Variants in ZDHHC16 observed in about 807,000 individuals in gnomAD.
ZDHHC16 encodes the protein zDHHC palmitoyltransferase 16.
A neutral mutation model predicts 54.4 loss-of-function variants in ZDHHC16; 33 were observed. The observed-to-expected ratio is 0.61, with a 90% CI of 0.46 to 0.81. The LOEUF (loss-of-function observed/expected upper bound fraction) is 0.81. ZDHHC16 is among the 30% of genes least tolerant of loss of function. The pLI is 0.00. For missense variants in ZDHHC16, 420 were observed against 485.9 expected (o/e 0.86, Z 1.28); for synonymous variants, 185 against 182.1 (o/e 1.02, Z -0.13).
In ZDHHC16 at chr10:97,455,341, C is replaced by G. The variant is rs544649895; in HGVS notation, c.825-319C>G. Among the ~76,000 whole-genome samples, 2 of 152,294 alleles carry G rather than the reference C, an allele frequency of 1.3e-5. 1 individual carries two copies. The highest frequency in any genetic ancestry group is 1.3e-4 in the Admixed American group (2 of 15,286). On this transcript the variant is annotated intron_variant, in intron 9 of 11. Transcript: ENST00000393760. ...ATACTCTCTTTTCCCTTAACAACAA[C>G]AGAGATGGAGTCTTGCTATGTTGCC...
intron 4 of ZDHHC16, 21 bp downstream of exon 4, chr10:97,452,305 TG>T (rs1215958145): frequency 1.2e-6 from 2 of 1,613,532 alleles, no homozygotes; most frequent in East Asian, 4.5e-5. Context: ...ACAGGAGCAC[TG>T]GGGGAAGTTG....
rs140332092 is a variant in ZDHHC16 at position 97,447,904 on chromosome 10, C to G, written c.-186+1551C>G. Among the ~76,000 whole-genome samples the G allele has an allele frequency of 2.4e-3, 347 of 145,512 alleles. 1 individual carries two copies. In the Middle Eastern group the frequency reaches 0.056, roughly 24 times the overall value. On this transcript the variant is annotated intron_variant, in intron 1 of 11. Coordinates refer to ENST00000393760, the MANE Select transcript of ZDHHC16 (RefSeq NM_198046.3). Reference sequence around the variant, plus strand: ...TGCCATTGCACTCCAGCCTGGGCAACAAGAGTGAAACTCCATCTCAAAAAA... The same window carrying G: ...TGCCATTGCACTCCAGCCTGGGCAAGAAGAGTGAAACTCCATCTCAAAAAA...
chr10:97,452,212 C>A lies in ZDHHC16; in HGVS notation c.366C>A (p.Ser122Arg), dbSNP rs1442053753. ...VPRLCWHFFY[S>R]HWNLILIVFH... ...GACTCTGCTGGCATTTCTTCTATAG[C>A]CACTGGAATCTGATCCTGATTGTCT... The change falls in exon 4 of 12, where the codon AGC becomes AGA. Residue 122 changes from serine to arginine, a missense_variant. Physicochemically the swap from Ser to Arg is moderately radical, Grantham distance 110. Coordinates refer to ENST00000393760, the MANE Select transcript of ZDHHC16 (RefSeq NM_198046.3). 1.9e-6 allele frequency: 3 copies of A among 1,614,108 alleles called. No homozygotes were observed. Among genetic ancestry groups the A allele is most frequent in the Non-Finnish European group, 2.5e-6 (3 of 1,180,024 alleles).
rs560046899 is a variant in ZDHHC16, at chr10:97,452,883, C to A, written c.528-12C>A. 1 of 1,614,192 alleles carries A rather than the reference C, an allele frequency of 6.2e-7. No individual in the cohort carries two copies. Among genetic ancestry groups the A allele is most frequent in the Admixed American group, 1.7e-5 (1 of 60,012 alleles). On this transcript the variant is annotated splice_polypyrimidine_tract_variant and intron_variant, in intron 5 of 11. Coordinates refer to ENST00000393760, the MANE Select transcript of ZDHHC16 (RefSeq NM_198046.3). ...TGGCCACCGTAACAGAGCCTGTGTC[C>A]CTTCCTCACAGGTGTGTGCTGAAGA... is the stretch of plus-strand genomic sequence containing the variant.
At chr10:97,451,953 T>C (rs1846669287) in intron 3 of ZDHHC16, 35 bp downstream of exon 3, 1 of 1,594,314 alleles carries the variant, frequency 6.3e-7, no homozygotes, top group African/African-American at 1.3e-5. Flanking sequence ...AAAGGGGTGT[T>C]GTGGGGAGCA....
rs926371117 is a variant in ZDHHC16, at chr10:97,455,748, A to T, written c.913A>T (p.Lys305Ter). The T allele has an allele frequency of 6.2e-7, 1 of 1,613,922 alleles. No individual in the cohort carries two copies. Among genetic ancestry groups the T allele is most frequent in the African/African-American group, 1.3e-5 (1 of 74,918 alleles). The change falls in exon 10 of 12, where the codon AAG becomes TAG. Residue 305 changes from lysine to a stop codon, truncating the protein, a stop_gained. Transcript: ENST00000393760. LOFTEE classifies it high-confidence loss of function. ...GETSIERHIN[K>*]KERRRLQAKG... ...GACTAGCATCGAAAGGCACATCAAC[A>T]AGAAGGAGAGACGTCGGCTACAGGC...
chr10:97,455,311 T>C (rs1847063923), intron 9 of ZDHHC16, among the ~76,000 whole-genome samples: 1 of 152,208 alleles, frequency 6.6e-6, no homozygotes, highest in Non-Finnish European at 1.5e-5. Flanking sequence ...TATTCTCCTT[T>C]CCACATACTC....
Position 97,452,182 on chromosome 10 carries a change from G to A in ZDHHC16, c.336G>A (p.Val112=). ...VLPLILRTYS[V]PRLCWHFFYS... is the part of the protein sequence containing the mutation. ...CTCTCATCCTCCGAACCTACTCAGT[G>A]CCACGACTCTGCTGGCATTTCTTCT... is the stretch of plus-strand genomic sequence containing the variant. The change falls in exon 4 of 12, where the codon GTG becomes GTA. Residue 112 remains valine, a synonymous_variant. Transcript: ENST00000393760. 2.5e-6 allele frequency: 4 copies of A among 1,614,094 alleles called. No individual in the cohort carries two copies. Among genetic ancestry groups the A allele is most frequent in the Non-Finnish European group, 3.4e-6 (4 of 1,180,038 alleles).
chr10:97,449,477 A>T (rs1846395822), intron 1 of ZDHHC16, among the ~76,000 whole-genome samples: 1 of 152,196 alleles, frequency 6.6e-6, no homozygotes, highest in Non-Finnish European at 1.5e-5. Flanking sequence ...TTAAAAATTC[A>T]TGCTACAAGC....
rs915297539 is a variant in ZDHHC16, at chr10:97,454,772, G to A, written c.797G>A (p.Ser266Asn). The change falls in exon 9 of 12, where the codon AGT (serine) becomes AAT (asparagine). Residue 266 changes from serine to asparagine, a missense_variant. Ser to Asn is a conservative substitution (Grantham distance 46). Transcript: ENST00000393760. The part of the protein sequence containing the change: ...FSFRERMTHK[S>N]LVYLWFLCSS... ...TTTCGAGAAAGGATGACTCACAAGA[G>A]TCTTGTCTACCTCTGGTTCCTGTGC... 2 of 1,614,178 alleles carry A rather than the reference G, an allele frequency of 1.2e-6. No homozygotes were observed. The highest frequency in any genetic ancestry group is 3.3e-5 in the Admixed American group (2 of 60,024).
chr10:97,456,439 G>A, intron 11 of ZDHHC16: 1 of 304,856 alleles, frequency 3.3e-6, no homozygotes, highest in Admixed American at 4.6e-5. Context: ...CTCAGCCCAA[G>A]ACAAGGGGAA....
At chr10:97,453,159 G>A (rs947030859) in intron 6 of ZDHHC16, among the ~76,000 whole-genome samples, 4 of 152,198 alleles carry the variant, frequency 2.6e-5, no homozygotes, top group African/African-American at 9.7e-5. Context: ...GCTATTGGAT[G>A]GAAAGAGATG....
At chr10:97,456,279 G>A in intron 11 of ZDHHC16, 1 of 507,664 alleles carries the variant, frequency 2.0e-6, no homozygotes, top group Non-Finnish European at 3.4e-6. Context: ...GGAAAGCTGT[G>A]CTCAGGAAGG....
At chr10:97,447,442 C>G (rs931643536) in intron 1 of ZDHHC16, among the ~76,000 whole-genome samples, 1 of 152,140 alleles carries the variant, frequency 6.6e-6, no homozygotes, top group Non-Finnish European at 1.5e-5. Context: ...GGCCAGCAAT[C>G]TCCTCCAGTC....
At position 97,451,664 on chromosome 10, in the gene ZDHHC16, C is replaced by G; in HGVS notation, c.-5-7C>G. On this transcript the variant is annotated splice_polypyrimidine_tract_variant and splice_region_variant and intron_variant, in intron 2 of 11. Transcript: ENST00000393760. Reference sequence around the variant, plus strand: ...GACTAGATCCTCACAATGGTGTGCTCTCGTAGGAACCATGCGAGGCCAGCG... The same window carrying G: ...GACTAGATCCTCACAATGGTGTGCTGTCGTAGGAACCATGCGAGGCCAGCG... 1 of 1,603,882 alleles carries G rather than the reference C, an allele frequency of 6.2e-7. No individual in the cohort carries two copies. The highest frequency in any genetic ancestry group is 8.5e-7 in the Non-Finnish European group (1 of 1,175,910).
intron 5 of ZDHHC16, 64 bp from the exon 6 acceptor site, chr10:97,452,831 G>T: frequency 1.1e-5 from 17 of 1,608,794 alleles, no homozygotes; most frequent in Non-Finnish European, 1.4e-5. Context: ...TTGTAGGGAA[G>T]GATTGGCACT....
At chr10:97,447,091 T>C (rs1051965972) in intron 1 of ZDHHC16, among the ~76,000 whole-genome samples, 1 of 152,208 alleles carries the variant, frequency 6.6e-6, no homozygotes, top group African/African-American at 2.4e-5. Flanking sequence ...CAGTAAGCTT[T>C]CTCTGGTTGA....
chr10:97,449,861 CTT>C (rs35173837), intron 1 of ZDHHC16, among the ~76,000 whole-genome samples: 190 of 81,514 alleles, frequency 2.3e-3, no homozygotes, highest in Middle Eastern at 0.016. Context: ...CCCCTTAATT[CTT>C]TTTTTTTTTT....
chr10:97,456,646 AG>A, intron 11 of ZDHHC16, 130 bp from the exon 12 acceptor site: 1 of 638,960 alleles, frequency 1.6e-6, no homozygotes, highest in Non-Finnish European at 2.6e-6. Context: ...AGCAGAAATT[AG>A]AACTTTTGTT....
Sources: gnomAD v4.1 joint callset for allele counts (sites outside exome capture counted in the v4.1 genomes callset) on GRCh38, gnomAD v4.1.1 for gene constraint, MANE v1.5 for transcripts, NCBI Gene and HGNC (gene_info 2026-07-23, HGNC 2026-07-21) for gene names.